ATRNL1: variants seen among roughly 807,000 people sequenced by gnomAD.
ATRNL1 encodes the protein attractin like 1.
ATRNL1 carries 95 observed loss-of-function variants against 182.7 expected under a neutral mutation model. The ratio of observed to expected loss-of-function variants is 0.52; its 90% confidence interval spans 0.44 to 0.62. ATRNL1 has a LOEUF of 0.62. Ranked by LOEUF, ATRNL1 falls within the 20% of genes least tolerant of loss-of-function variation. The probability of loss-of-function intolerance (pLI) is 0.00; values close to 1 mark genes in which losing one functional copy is unlikely to be tolerated. For missense variants in ATRNL1, 1,471 were observed against 1,679.5 expected (o/e 0.88, Z 2.17); for synonymous variants, 576 against 568.3 (o/e 1.01, Z -0.19).
chr10:115,334,212 C>A, intron 18 of ATRNL1, 70 bp from the exon 19 acceptor site: 1 of 1,035,022 alleles, frequency 9.7e-7, no homozygotes, highest in Non-Finnish European at 1.3e-6. Context: ...AAGATACATT[C>A]TTTGTTTTGA....
intron 26 of ATRNL1, among the ~76,000 whole-genome samples, chr10:115,587,648 A>G (rs1371761070): frequency 6.6e-6 from 1 of 151,852 alleles, no homozygotes; most frequent in Non-Finnish European, 1.5e-5. Context: ...ACTGACCTGC[A>G]CCCACTGTCT....
intron 19 of ATRNL1, among the ~76,000 whole-genome samples, chr10:115,336,809 C>G (rs1280701169): frequency 5.9e-5 from 9 of 151,928 alleles, no homozygotes; most frequent in Non-Finnish European, 1.0e-4. Flanking sequence ...ACATAACAGA[C>G]ACTTAACTAT....
At chr10:115,801,843 C>G (rs1231238120) in intron 27 of ATRNL1, among the ~76,000 whole-genome samples, 1 of 152,064 alleles carries the variant, frequency 6.6e-6, no homozygotes, top group Non-Finnish European at 1.5e-5. Flanking sequence ...TCAACTTTCA[C>G]AGTTAGCATC....
chr10:115,706,966 G>A (rs138147362), intron 26 of ATRNL1, among the ~76,000 whole-genome samples: 29 of 151,862 alleles, frequency 1.9e-4, no homozygotes, highest in African/African-American at 6.5e-4. Flanking sequence ...TAGTTTTTGA[G>A]TAATTTCTTA....
chr10:115,615,654 C>T lies in ATRNL1; in HGVS notation c.3795+66118C>T, dbSNP rs180815038. Among the ~76,000 whole-genome samples the T allele has an allele frequency of 1.4e-3, 220 of 152,220 alleles. 1 individual carries two copies. The highest frequency in any genetic ancestry group is 1.3e-3 in the African/African-American group (53 of 41,550). On this transcript the variant is annotated intron_variant, in intron 26 of 28. Transcript: ENST00000355044. ...TAGATTCCCCTATCAGTGCCATACT[C>T]GTGATAGTGAGTACTCACGAGATCT...
chr10:115,817,482 C>T (rs1290791961), intron 27 of ATRNL1, among the ~76,000 whole-genome samples: 1 of 151,976 alleles, frequency 6.6e-6, no homozygotes, highest in African/African-American at 2.4e-5. Flanking sequence ...GAATGAGACA[C>T]AGCCTTTTAT....
chr10:115,499,742 C>G (rs1849721776), intron 24 of ATRNL1, among the ~76,000 whole-genome samples: 1 of 152,124 alleles, frequency 6.6e-6, no homozygotes, highest in Admixed American at 6.5e-5. Context: ...AGGAGGCAAT[C>G]AGATATGCAT....
At chr10:115,269,034 A>G (rs1179526765) in intron 13 of ATRNL1, among the ~76,000 whole-genome samples, 1 of 152,224 alleles carries the variant, frequency 6.6e-6, no homozygotes, top group Non-Finnish European at 1.5e-5. Flanking sequence ...GCTGCTAAAC[A>G]TTCTACAGTT....
chr10:115,473,007 A>C (rs567604725), intron 24 of ATRNL1, among the ~76,000 whole-genome samples: 2 of 151,356 alleles, frequency 1.3e-5, no homozygotes, highest in African/African-American at 4.8e-5. Context: ...GTGTTGAGGT[A>C]CATTCCGCTT....
chr10:115,484,751 C>G (rs1413138117), intron 24 of ATRNL1, among the ~76,000 whole-genome samples: 4 of 151,788 alleles, frequency 2.6e-5, no homozygotes, highest in Non-Finnish European at 4.4e-5. Context: ...TCAGAGTTAA[C>G]CATATTTTAC....
intron 8 of ATRNL1, among the ~76,000 whole-genome samples, chr10:115,196,020 G>A (rs972324431): frequency 3.3e-5 from 5 of 151,990 alleles, no homozygotes; most frequent in East Asian, 1.9e-4. Flanking sequence ...AATAGGCTGC[G>A]TCCAGTGGCT....
intron 9 of ATRNL1, among the ~76,000 whole-genome samples, chr10:115,229,541 A>G (rs1009962728): frequency 1.3e-5 from 2 of 152,074 alleles, no homozygotes; most frequent in African/African-American, 4.8e-5. Flanking sequence ...TTGAGAATTT[A>G]AAATTTAATT....
chr10:115,675,678 T>C (rs1340814203), intron 26 of ATRNL1, among the ~76,000 whole-genome samples: 1 of 152,080 alleles, frequency 6.6e-6, no homozygotes, highest in Non-Finnish European at 1.5e-5. Context: ...CCATAGGACT[T>C]CTACTCGGGT....
chr10:115,729,333 T>C (rs1221149464), intron 27 of ATRNL1, among the ~76,000 whole-genome samples: 1 of 144,120 alleles, frequency 6.9e-6, no homozygotes, highest in African/African-American at 2.6e-5. Context: ...TTTTCTGATA[T>C]TCCTTATTTC....
chr10:115,268,308 C>A lies in ATRNL1; in HGVS notation c.1982-18C>A, dbSNP rs1554911543. 3 of 1,404,098 alleles carry A rather than the reference C, an allele frequency of 2.1e-6. No homozygotes were observed. The highest frequency in any genetic ancestry group is 1.2e-5 in the South Asian group (1 of 86,296). 87.0% of individuals were successfully genotyped at this position (1,404,098 alleles called of 1,614,324 possible). On this transcript the variant is annotated intron_variant, in intron 12 of 28. Coordinates refer to ENST00000355044, the MANE Select transcript of ATRNL1 (RefSeq NM_207303.4). ...TTTCTTTTCCGTGCTGATATATCGT[C>A]CCCCATTTGTATTATAGCTGCTTCT...
rs199640218 is a variant in ATRNL1 at position 115,630,827 on chromosome 10, TACACACACACACACAC to T, written c.3795+81323_3795+81338del. ...TAATAGATATATAATATATGTATTA[TACACACACACACACAC>T]ACACACACACACACACACACACACA... On this transcript the variant is annotated intron_variant, in intron 26 of 28. Transcript: ENST00000355044. 3.8e-3 allele frequency among the ~76,000 whole-genome samples: 493 copies of T among 129,836 alleles called. 5 individuals are homozygous for T. Among genetic ancestry groups the T allele is most frequent in the African/African-American group, 0.013 (456 of 35,778 alleles). The allele number at this position is 129,836 out of a possible 152,430, so 85.2% of individuals were successfully genotyped here. A position where few individuals can be genotyped will look rare whatever the true frequency, so the allele number is the denominator to read the frequency against.
chr10:115,550,731 C>G (rs1255606555), intron 26 of ATRNL1, among the ~76,000 whole-genome samples: 4 of 151,794 alleles, frequency 2.6e-5, no homozygotes, highest in African/African-American at 9.7e-5. Context: ...GGTAAACAAT[C>G]TTCTAGACAT....
At chr10:115,321,805 G>A (rs2134032791) in intron 18 of ATRNL1, among the ~76,000 whole-genome samples, 1 of 151,648 alleles carries the variant, frequency 6.6e-6, no homozygotes, top group South Asian at 2.1e-4. Flanking sequence ...GATCTAAATT[G>A]GAAAGAAGGG....
At chr10:115,767,487 A>C (rs1483670749) in intron 27 of ATRNL1, among the ~76,000 whole-genome samples, 2 of 152,084 alleles carry the variant, frequency 1.3e-5, no homozygotes, top group African/African-American at 4.8e-5. Context: ...CCTTCTTGTG[A>C]TTATAAGCTG....
Sources: allele counts gnomAD v4.1 joint callset (sites outside exome capture counted in the v4.1 genomes callset), GRCh38; gene constraint gnomAD v4.1.1; transcripts MANE v1.5; gene names NCBI Gene and HGNC (gene_info 2026-07-23, HGNC 2026-07-21).